MED13L: variants seen among roughly 807,000 people sequenced by gnomAD.
MED13L encodes the protein mediator complex subunit 13L.
A neutral mutation model predicts 220.9 loss-of-function variants in MED13L; 7 were observed. That is an observed-to-expected ratio of 0.03 (90% confidence interval 0.02 to 0.06). The LOEUF (loss-of-function observed/expected upper bound fraction) is 0.06. Ranked by LOEUF, MED13L falls within the 10% of genes least tolerant of loss-of-function variation. The pLI, the probability that MED13L is intolerant of heterozygous loss-of-function variation, is 1.00. For missense variants in MED13L, 1,965 were observed against 2,760.5 expected, an observed-to-expected ratio of 0.71 and a Z score of 6.46; for synonymous variants, 1,011 against 1,015.2, an observed-to-expected ratio of 1.00 and a Z score of 0.08.
At chr12:115,978,480 C>T (rs542499609) in intron 23 of MED13L, among the ~76,000 whole-genome samples, 1 of 152,196 alleles carries the variant, frequency 6.6e-6, no homozygotes, top group African/African-American at 2.4e-5. Context: ...GCATCCGCCA[C>T]CACGCCTGGC....
chr12:116,237,825 T>C, intron 1 of MED13L, 120 bp from the exon 2 acceptor site: 1 of 882,554 alleles, frequency 1.1e-6, no homozygotes, highest in East Asian at 2.6e-5. Context: ...CTTCATATCA[T>C]AAGATTCCTC....
chr12:116,183,312 C>T (rs1375046482), intron 2 of MED13L, among the ~76,000 whole-genome samples: 1 of 152,152 alleles, frequency 6.6e-6, no homozygotes, highest in Non-Finnish European at 1.5e-5. Flanking sequence ...GTTTTCAATT[C>T]GAACATCACC....
At chr12:116,018,198 A>C (rs1170606111) in intron 7 of MED13L, among the ~76,000 whole-genome samples, 1 of 152,218 alleles carries the variant, frequency 6.6e-6, no homozygotes, top group Non-Finnish European at 1.5e-5. Flanking sequence ...ATTCAGAAAA[A>C]CTACGAGAAT....
chr12:116,272,552 C>CA (rs201010380), intron 1 of MED13L, among the ~76,000 whole-genome samples: 95 of 116,792 alleles, frequency 8.1e-4, no homozygotes, highest in Middle Eastern at 4.6e-3. Context: ...ACTCTGGTCT[C>CA]AAAAAAAAAC....
chr12:116,146,892 T>TA (rs967166780), intron 2 of MED13L, among the ~76,000 whole-genome samples: 2 of 150,070 alleles, frequency 1.3e-5, no homozygotes, highest in South Asian at 2.1e-4. Context: ...AAAAAAAAAG[T>TA]AAAAAACCAA....
intron 2 of MED13L, among the ~76,000 whole-genome samples, chr12:116,214,730 C>T (rs1882898356): frequency 6.6e-6 from 1 of 152,040 alleles, no homozygotes; most frequent in South Asian, 2.1e-4. Context: ...AGCAAAAAAC[C>T]AGTACAGTTC....
At chr12:116,003,173 A>C in intron 13 of MED13L, 71 bp from the exon 14 acceptor site, 1 of 1,318,244 alleles carries the variant, frequency 7.6e-7, no homozygotes. Flanking sequence ...ATATTTCCTA[A>C]TGTATGCCTA....
chr12:116,233,090 GAAAA>G (rs530903194), intron 2 of MED13L, among the ~76,000 whole-genome samples: 4 of 82,952 alleles, frequency 4.8e-5, no homozygotes, highest in African/African-American at 1.3e-4. Context: ...CTGTCTAAAG[GAAAA>G]AAAAAAAAAA....
At chr12:116,014,708 G>A (rs1879618220) in intron 8 of MED13L, among the ~76,000 whole-genome samples, 1 of 152,080 alleles carries the variant, frequency 6.6e-6, no homozygotes, top group Non-Finnish European at 1.5e-5. Context: ...ACTAAGGCCT[G>A]TATACAATAG....
chr12:116,069,902 T>C (rs1870237417), intron 4 of MED13L, among the ~76,000 whole-genome samples: 1 of 152,178 alleles, frequency 6.6e-6, no homozygotes, highest in Admixed American at 6.5e-5. Context: ...CCAAGATACC[T>C]CATTATATAT....
At chr12:116,267,761 AG>A (rs538561783) in intron 1 of MED13L, among the ~76,000 whole-genome samples, 76 of 152,344 alleles carry the variant, frequency 5.0e-4, no homozygotes, top group African/African-American at 1.8e-3. Context: ...TTCTGGATCA[AG>A]CCCCCAAACA....
chr12:115,962,702 T>A (rs1282033810), intron 30 of MED13L: 1 of 154,880 alleles, frequency 6.5e-6, no homozygotes, highest in Non-Finnish European at 1.4e-5. Flanking sequence ...GGAATGCACT[T>A]CTCAACTATG....
chr12:116,246,231 C>T (rs1871086709), intron 1 of MED13L, among the ~76,000 whole-genome samples: 1 of 148,306 alleles, frequency 6.7e-6, no homozygotes, highest in South Asian at 2.1e-4. Context: ...AGCACCCTTT[C>T]TCAGGAAGCT....
chr12:116,260,095 G>C (rs953659616), intron 1 of MED13L, among the ~76,000 whole-genome samples: 1 of 152,150 alleles, frequency 6.6e-6, no homozygotes, highest in African/African-American at 2.4e-5. Context: ...CTTGGAAGTT[G>C]TATTTCTTGG....
At chr12:116,076,372 A>G (rs972878366) in intron 4 of MED13L, among the ~76,000 whole-genome samples, 6 of 152,078 alleles carry the variant, frequency 3.9e-5, no homozygotes, top group Non-Finnish European at 7.4e-5. Context: ...CTCTATCTCT[A>G]CAATAAATAC....
At chr12:116,185,073 A>T (rs1177257088) in intron 2 of MED13L, among the ~76,000 whole-genome samples, 1 of 152,234 alleles carries the variant, frequency 6.6e-6, no homozygotes, top group Non-Finnish European at 1.5e-5. Flanking sequence ...CACATATATT[A>T]TATCCAAGAT....
At position 116,116,025 on chromosome 12, in the gene MED13L, C is replaced by T. The variant is rs767512630; in HGVS notation, c.311-4513G>A. ...ATCCCGTTGTAATATGACAATATCC[C>T]GTCGTAATATTGTGAAACACATATT... On this transcript the variant is annotated intron_variant, in intron 2 of 30. Coordinates refer to ENST00000281928, the MANE Select transcript of MED13L (RefSeq NM_015335.5). Among the ~76,000 whole-genome samples the T allele has an allele frequency of 3.3e-5, 5 of 152,142 alleles. 1 individual carries two copies. The highest frequency in any genetic ancestry group is 4.1e-4 in the South Asian group (2 of 4,834).
chr12:115,968,444 G>A (rs1197755721), intron 28 of MED13L, among the ~76,000 whole-genome samples: 1 of 152,130 alleles, frequency 6.6e-6, no homozygotes, highest in Non-Finnish European at 1.5e-5. Flanking sequence ...CCTGCAGGTC[G>A]GCTAGAAAGA....
chr12:116,123,187 C>T (rs983265919), intron 2 of MED13L, among the ~76,000 whole-genome samples: 1 of 152,116 alleles, frequency 6.6e-6, no homozygotes. Flanking sequence ...TTCTCCTTTA[C>T]CTCTTTGAGT....
Sources: allele counts gnomAD v4.1 joint callset (sites outside exome capture counted in the v4.1 genomes callset), GRCh38; gene constraint gnomAD v4.1.1; transcripts MANE v1.5; gene names NCBI Gene and HGNC (gene_info 2026-07-23, HGNC 2026-07-21).